The following PHKA2 variants were observed in gnomAD, a reference collection of about 807,000 sequenced individuals.
PHKA2 encodes the protein phosphorylase kinase regulatory subunit alpha 2.
A neutral mutation model predicts 102.0 loss-of-function variants in PHKA2; 31 were observed. The ratio of observed to expected loss-of-function variants is 0.30; its 90% confidence interval spans 0.23 to 0.41. The LOEUF is 0.41. Among genes scored for constraint, PHKA2 ranks in the 10% least tolerant of loss-of-function variants. The probability of loss-of-function intolerance (pLI) is 1.00; values close to 1 mark genes in which losing one functional copy is unlikely to be tolerated. For synonymous variants in PHKA2, 455 were observed against 416.2 expected (o/e 1.09, Z -1.13); for missense variants, 858 against 1,023.1 (o/e 0.84, Z 2.20).
intron 28 of PHKA2, among the ~76,000 whole-genome samples, chrX:18,900,354 C>T (rs949913110): frequency 7.2e-5 from 8 of 111,422 alleles, no homozygotes; most frequent in African/African-American, 2.3e-4. Context: ...AACCAATGAC[C>T]GCATTTCCCC....
At chrX:18,944,630 C>G (rs2048549371) in intron 6 of PHKA2, among the ~76,000 whole-genome samples, 1 of 111,562 alleles carries the variant, frequency 9.0e-6, no homozygotes, top group African/African-American at 3.3e-5. Context: ...CCCAGTGTCC[C>G]CAATTCCTCC....
At chrX:18,897,559 G>A (rs1469031579) in intron 29 of PHKA2, 3 of 424,552 alleles carry the variant, frequency 7.1e-6, no homozygotes, top group Admixed American at 4.1e-5. Context: ...CCTGCCCCCC[G>A]AGAGGCAGTC....
intron 1 of PHKA2, among the ~76,000 whole-genome samples, chrX:18,961,166 T>C (rs1301711318): frequency 8.9e-6 from 1 of 112,275 alleles, no homozygotes; most frequent in Non-Finnish European, 1.9e-5. Context: ...AAGCCTATCT[T>C]TTTTGTTTAC....
chrX:18,955,110 G>A (rs1171275141), intron 1 of PHKA2, among the ~76,000 whole-genome samples: 2 of 112,810 alleles, frequency 1.8e-5, no homozygotes, highest in East Asian at 2.8e-4. Flanking sequence ...CTCATCAACT[G>A]ATAAATGGAT....
Position 18,895,375 on chromosome X carries a change from T to C in PHKA2, c.3283-184A>G, listed in dbSNP as rs1238198907. 5 of 485,195 alleles carry C rather than the reference T, an allele frequency of 1.0e-5. No individual in the cohort carries two copies. In the East Asian group the frequency reaches 1.9e-4, roughly 18 times the overall value. The allele number at this position is 485,195 out of a possible 1,213,427, so 40.0% of individuals were successfully genotyped here. On this transcript the variant is annotated intron_variant, in intron 30 of 32. Coordinates refer to ENST00000379942, the MANE Select transcript of PHKA2 (RefSeq NM_000292.3). ...TTCTCACTGCCCACAGGCTGTGTTT[T>C]CGATGGAACAATTCTAGGGAACCCA...
chrX:18,947,717 A>C (rs1282164074), intron 5 of PHKA2, among the ~76,000 whole-genome samples: 1 of 112,743 alleles, frequency 8.9e-6, no homozygotes, highest in Non-Finnish European at 1.9e-5. Context: ...TGTTTATAGC[A>C]GCACAATTCA....
chrX:18,947,627 A>G (rs956081509), intron 5 of PHKA2, among the ~76,000 whole-genome samples: 5 of 112,532 alleles, frequency 4.4e-5, no homozygotes, highest in African/African-American at 1.3e-4. Context: ...GGGAACTACC[A>G]TTTAATCCAG....
intron 6 of PHKA2, among the ~76,000 whole-genome samples, chrX:18,944,467 T>C (rs780436176): frequency 1.3e-4 from 15 of 111,875 alleles, no homozygotes; most frequent in Non-Finnish European, 2.6e-4. Flanking sequence ...TACATTACAT[T>C]CTGGAGGAGG....
At chrX:18,896,102 CT>C (rs1305119475) in intron 30 of PHKA2, 2 of 112,506 alleles carry the variant, frequency 1.8e-5, no homozygotes, top group Non-Finnish European at 3.8e-5. Flanking sequence ...GGGAAGGGGG[CT>C]GTTGTATGCT....
At chrX:18,980,298 G>A (rs934231808) in intron 1 of PHKA2, among the ~76,000 whole-genome samples, 2 of 112,623 alleles carry the variant, frequency 1.8e-5, no homozygotes, top group South Asian at 3.7e-4. Flanking sequence ...CCCAACACCC[G>A]TGAAGGGTCT....
chrX:18,967,936 G>A lies in PHKA2; in HGVS notation c.79-13524C>T, dbSNP rs146493663. 1.3e-4 allele frequency among the ~76,000 whole-genome samples: 15 copies of A among 111,206 alleles called. No homozygotes were observed. In the East Asian group the frequency reaches 4.2e-3, roughly 31 times the overall value. ...CCCTTTACACTTAAAAATTACTGGA[G>A]ACCCCCTAAGAGCTTTTGTTTATAT... On this transcript the variant is annotated intron_variant, in intron 1 of 32. Transcript: ENST00000379942.
At chrX:18,907,677 T>C (rs886666950) in intron 22 of PHKA2, among the ~76,000 whole-genome samples, 1 of 111,709 alleles carries the variant, frequency 9.0e-6, no homozygotes, top group East Asian at 2.8e-4. Flanking sequence ...GGCGAGACTT[T>C]TTCCGTAGCC....
intron 1 of PHKA2, among the ~76,000 whole-genome samples, chrX:18,977,213 T>A: frequency 9.0e-6 from 1 of 111,383 alleles, no homozygotes; most frequent in African/African-American, 3.3e-5. Context: ...CATCAGCAAT[T>A]GTTTGTTATT....
chrX:18,925,836 A>G, intron 14 of PHKA2, 59 bp from the exon 15 acceptor site: 1 of 772,918 alleles, frequency 1.3e-6, no homozygotes, highest in South Asian at 2.1e-5. Context: ...CAAGTAATCC[A>G]GGCAACTCAG....
chrX:18,955,044 C>T (rs780321930), intron 1 of PHKA2, among the ~76,000 whole-genome samples: 1 of 112,750 alleles, frequency 8.9e-6, no homozygotes, highest in Non-Finnish European at 1.9e-5. Context: ...AAATTATACA[C>T]AAATGTTCAT....
chrX:18,903,010 GAACT>G (rs2047726878), intron 26 of PHKA2: 1 of 112,196 alleles, frequency 8.9e-6, no homozygotes, highest in Non-Finnish European at 1.9e-5. Context: ...ACAGAAGCTA[GAACT>G]AACATCTCTT....
chrX:18,914,008 T>C (rs2047975098), intron 19 of PHKA2, among the ~76,000 whole-genome samples: 2 of 112,703 alleles, frequency 1.8e-5, no homozygotes, highest in Non-Finnish European at 3.7e-5. Context: ...GAGTACACTC[T>C]AAATACGCAA....
chrX:18,950,896 G>A (rs936379263), intron 4 of PHKA2, among the ~76,000 whole-genome samples: 3 of 112,490 alleles, frequency 2.7e-5, no homozygotes, highest in Non-Finnish European at 3.8e-5. Context: ...GGACAACTGA[G>A]CCTGGTAGTG....
At chrX:18,894,874 G>C (rs1046947092) in intron 31 of PHKA2, 50 of 422,722 alleles carry the variant, frequency 1.2e-4, no homozygotes, top group Non-Finnish European at 2.0e-4. Flanking sequence ...TCTTTCACCA[G>C]GGTTCTAAGG....
Sources: gnomAD v4.1 joint callset for allele counts (sites outside exome capture counted in the v4.1 genomes callset) on GRCh38, gnomAD v4.1.1 for gene constraint, MANE v1.5 for transcripts, NCBI Gene and HGNC (gene_info 2026-07-23, HGNC 2026-07-21) for gene names.